Variants in CSMD1 observed in about 807,000 individuals in gnomAD.
CSMD1 encodes CUB and Sushi multiple domains 1.
In CSMD1, 213 loss-of-function variants were observed where a neutral mutation model predicts 417.5. That is an observed-to-expected ratio of 0.51 (90% CI 0.46 to 0.57). The LOEUF is 0.57. Ranked by LOEUF, CSMD1 falls within the 20% of genes least tolerant of loss-of-function variation. CSMD1 has a pLI of 0.00. For synonymous variants in CSMD1, 2,862 were observed against 1,736.8 expected (o/e 1.65, Z -16.11); for missense variants, 6,923 against 4,529.7 (o/e 1.53, Z -15.17).
At position 3,187,888 on chromosome 8, in the gene CSMD1, G is replaced by A. The variant is rs1022910772; in HGVS notation, c.5601C>T (p.Pro1867=). The change falls in exon 36 of 70, where the codon CCC becomes CCT. Residue 1867 remains proline (P), a synonymous_variant. Transcript: ENST00000635120. ...TCTTACCTGAGAAGCTTCCCAGTCT[G>A]GGTGCGGTCACATCCCCACCATCGT... ...EIHDGGDVTA[P]RLGSFSGTTV... 5.0e-6 allele frequency: 8 copies of A among 1,612,684 alleles called. No homozygotes were observed. Among genetic ancestry groups the A allele is most frequent in the Non-Finnish European group, 6.8e-6 (8 of 1,179,266 alleles).
chr8:3,819,561 C>CACACTT (rs3219854), intron 5 of CSMD1, among the ~76,000 whole-genome samples: 18,025 of 149,782 alleles, frequency 0.12, 1,122 homozygotes, highest in Non-Finnish European at 0.14. Flanking sequence ...CACACACACA[C>CACACTT]GTATGTATAT....
intron 3 of CSMD1, among the ~76,000 whole-genome samples, chr8:4,290,919 T>G (rs890012816): frequency 9.2e-5 from 14 of 152,332 alleles, no homozygotes; most frequent in African/African-American, 3.4e-4. Flanking sequence ...GTTCACAACT[T>G]CAACTCAACT....
chr8:3,031,997 A>G (rs189898497), intron 50 of CSMD1, among the ~76,000 whole-genome samples: 114 of 149,030 alleles, frequency 7.6e-4, no homozygotes, highest in African/African-American at 2.7e-3. Context: ...TATACACATA[A>G]TATAATTATA....
chr8:3,248,390 C>T (rs1221839563), intron 26 of CSMD1, among the ~76,000 whole-genome samples: 4 of 152,072 alleles, frequency 2.6e-5, no homozygotes, highest in African/African-American at 4.8e-5. Flanking sequence ...AATCTTCCCA[C>T]CTATGAAGTC....
chr8:3,130,818 T>A (rs1299659443), intron 41 of CSMD1, among the ~76,000 whole-genome samples: 1 of 152,176 alleles, frequency 6.6e-6, no homozygotes, highest in East Asian at 1.9e-4. Context: ...AGCTTCAGCC[T>A]GGGCACGGCT....
intron 3 of CSMD1, among the ~76,000 whole-genome samples, chr8:4,325,558 C>G (rs572925613): frequency 2.4e-4 from 37 of 152,264 alleles, no homozygotes; most frequent in African/African-American, 8.7e-4. Flanking sequence ...GCATGCCTAC[C>G]TTGTTAGCTT....
rs138916830 is a variant in CSMD1 at position 3,505,808 on chromosome 8, A to G, written c.1345-12082T>C. Among the ~76,000 whole-genome samples the G allele has an allele frequency of 5.3e-3, 814 of 152,250 alleles. 8 individuals are homozygous for G. The highest frequency in any genetic ancestry group is 0.019 in the African/African-American group (769 of 41,560). On this transcript the variant is annotated intron_variant, in intron 10 of 69. Transcript: ENST00000635120. ...AAGAGAAAATATTTACAGATTTTTA[A>G]ATGTCTCAGGTATCGTATCAACACA...
chr8:3,677,732 A>T (rs1422049338), intron 7 of CSMD1, among the ~76,000 whole-genome samples: 1 of 152,176 alleles, frequency 6.6e-6, no homozygotes, highest in Non-Finnish European at 1.5e-5. Context: ...GTCTTTTGGA[A>T]AAAAGCCCTA....
chr8:3,175,211 GA>G (rs1563111172), intron 37 of CSMD1, among the ~76,000 whole-genome samples: 1 of 152,110 alleles, frequency 6.6e-6, no homozygotes, highest in African/African-American at 2.4e-5. Context: ...TAAAAATGTA[GA>G]AACAATGTCT....
intron 3 of CSMD1, among the ~76,000 whole-genome samples, chr8:4,381,065 A>G (rs1473705286): frequency 6.6e-6 from 1 of 152,182 alleles, no homozygotes; most frequent in Non-Finnish European, 1.5e-5. Flanking sequence ...TGTGGGTTAT[A>G]TTAGGTTGGT....
chr8:3,183,777 C>T (rs1294409855), intron 36 of CSMD1, among the ~76,000 whole-genome samples: 3 of 152,210 alleles, frequency 2.0e-5, no homozygotes, highest in Non-Finnish European at 2.9e-5. Context: ...CCAGACTGCC[C>T]TCCAATCAGT....
At chr8:3,768,640 C>G (rs572210263) in intron 5 of CSMD1, among the ~76,000 whole-genome samples, 8 of 152,272 alleles carry the variant, frequency 5.3e-5, no homozygotes, top group African/African-American at 9.6e-5. Context: ...TTTATTTTCA[C>G]TTGCTCCAGA....
At chr8:4,508,832 G>C (rs368585452) in intron 2 of CSMD1, among the ~76,000 whole-genome samples, 2 of 152,212 alleles carry the variant, frequency 1.3e-5, no homozygotes, top group East Asian at 3.9e-4. Context: ...TTAAATTTTA[G>C]TGGTTTTTTT....
chr8:3,386,765 T>C (rs1235991323), intron 18 of CSMD1, among the ~76,000 whole-genome samples: 3 of 152,206 alleles, frequency 2.0e-5, no homozygotes, highest in Non-Finnish European at 4.4e-5. Flanking sequence ...CAATGTTTCT[T>C]GGAATGTTAT....
At chr8:4,525,120 A>C (rs968863890) in intron 2 of CSMD1, among the ~76,000 whole-genome samples, 2 of 152,210 alleles carry the variant, frequency 1.3e-5, no homozygotes, top group Non-Finnish European at 2.9e-5. Context: ...CATAGTGCTA[A>C]ATTTTCAATC....
intron 1 of CSMD1, among the ~76,000 whole-genome samples, chr8:4,874,917 A>G (rs1802956098): frequency 1.3e-5 from 2 of 150,544 alleles, no homozygotes. Context: ...ACTATATTAG[A>G]TATTTCCACA....
intron 12 of CSMD1, among the ~76,000 whole-genome samples, chr8:3,413,359 G>A (rs1162039257): frequency 1.3e-5 from 2 of 152,136 alleles, no homozygotes; most frequent in East Asian, 3.9e-4. Context: ...TTTCCATGCT[G>A]AGGATCAAGA....
At chr8:3,504,598 T>G (rs1796745789) in intron 10 of CSMD1, among the ~76,000 whole-genome samples, 3 of 152,208 alleles carry the variant, frequency 2.0e-5, no homozygotes. Context: ...CTCACGAGTC[T>G]TTATAACCAA....
intron 3 of CSMD1, among the ~76,000 whole-genome samples, chr8:4,317,722 T>C (rs1428752676): frequency 6.6e-6 from 1 of 152,116 alleles, no homozygotes; most frequent in Admixed American, 6.5e-5. Context: ...AAGCGATAGC[T>C]CAGCTGAGTA....
Sources: gnomAD v4.1 joint callset for allele counts (sites outside exome capture counted in the v4.1 genomes callset) on GRCh38, gnomAD v4.1.1 for gene constraint, MANE v1.5 for transcripts, NCBI Gene and HGNC (gene_info 2026-07-23, HGNC 2026-07-21) for gene names.